Variants in CYP19A1 observed in about 807,000 individuals in gnomAD.
The protein encoded by CYP19A1 is aromatase.
CYP19A1 carries 32 observed loss-of-function variants against 44.4 expected under a neutral mutation model. The observed-to-expected ratio is 0.72, with a 90% CI of 0.54 to 0.97. The LOEUF (loss-of-function observed/expected upper bound fraction) is 0.97. CYP19A1 is among the 50% of genes least tolerant of loss of function. The pLI is 0.00. For synonymous variants in CYP19A1, 212 were observed against 215.6 expected (o/e 0.98, Z 0.14); for missense variants, 598 against 637.8 (o/e 0.94, Z 0.67).
intron 1 of CYP19A1, among the ~76,000 whole-genome samples, chr15:51,284,470 C>A (rs1368271061): frequency 6.6e-6 from 1 of 152,162 alleles, no homozygotes; most frequent in East Asian, 1.9e-4. Flanking sequence ...ACAATTCAGT[C>A]TATTATTACA....
intron 1 of CYP19A1, among the ~76,000 whole-genome samples, chr15:51,273,988 C>T (rs957685669): frequency 1.4e-5 from 2 of 141,654 alleles, no homozygotes; most frequent in Non-Finnish European, 3.0e-5. Flanking sequence ...GCCTGGGCCA[C>T]AGAGTGAAAT....
intron 1 of CYP19A1, chr15:51,321,182 A>G (rs2036521560): frequency 6.5e-6 from 1 of 153,010 alleles, no homozygotes; most frequent in Non-Finnish European, 1.5e-5. Flanking sequence ...ACTGCTGGCC[A>G]AGCCCCACAT....
chr15:51,244,292 A>G (rs948807242), intron 1 of CYP19A1, among the ~76,000 whole-genome samples: 15 of 152,254 alleles, frequency 9.9e-5, no homozygotes. Flanking sequence ...TCTGTCAACT[A>G]CAAAATTTTT....
chr15:51,248,603 CCT>C (rs2034168638), intron 1 of CYP19A1, among the ~76,000 whole-genome samples: 1 of 152,094 alleles, frequency 6.6e-6, no homozygotes, highest in African/African-American at 2.4e-5. Flanking sequence ...CAAATTCTTC[CCT>C]CTGTTTCCTC....
At chr15:51,264,007 T>C (rs1193923880) in intron 1 of CYP19A1, among the ~76,000 whole-genome samples, 5 of 152,028 alleles carry the variant, frequency 3.3e-5, no homozygotes, top group African/African-American at 1.2e-4. Flanking sequence ...AAGGATTTAG[T>C]GGTATTTTTA....
chr15:51,293,150 T>A (rs192287650), intron 1 of CYP19A1, among the ~76,000 whole-genome samples: 1 of 151,972 alleles, frequency 6.6e-6, no homozygotes, highest in Non-Finnish European at 1.5e-5. Context: ...ATAAAACACA[T>A]TGGGTACGGT....
At position 51,235,384 on chromosome 15, in the gene CYP19A1, A is replaced by G. The variant is rs550873642; in HGVS notation, c.296+1475T>C. Among the ~76,000 whole-genome samples, 26 of 152,292 alleles carry G rather than the reference A, an allele frequency of 1.7e-4. 1 individual carries two copies. The highest frequency in any genetic ancestry group is 6.0e-4 in the African/African-American group (25 of 41,556). ...GTGGGGCCCAAGAACGTGCATTGCT[A>G]ACAAGTTCCCAGGCTTGTTGATGCT... On this transcript the variant is annotated intron_variant, in intron 3 of 9. Transcript: ENST00000396402.
intron 1 of CYP19A1, among the ~76,000 whole-genome samples, chr15:51,285,070 TC>T (rs2035651898): frequency 6.6e-6 from 1 of 152,110 alleles, no homozygotes; most frequent in African/African-American, 2.4e-5. Flanking sequence ...TGGGGACAGA[TC>T]AAGAAAACCG....
At chr15:51,317,285 A>G (rs2036444512) in intron 1 of CYP19A1, among the ~76,000 whole-genome samples, 1 of 151,502 alleles carries the variant, frequency 6.6e-6, no homozygotes, top group African/African-American at 2.4e-5. Flanking sequence ...TTTTTTTTGT[A>G]TTTTTAGTAG....
intron 1 of CYP19A1, among the ~76,000 whole-genome samples, chr15:51,277,641 T>C (rs2140965150): frequency 6.6e-6 from 1 of 152,358 alleles, no homozygotes; most frequent in South Asian, 2.1e-4. Context: ...ATTTCCCTAA[T>C]AGTGCACACC....
Position 51,236,891 on chromosome 15 carries a change from C to G in CYP19A1, c.264G>C (p.Trp88Cys). 1 of 1,614,182 alleles carries G rather than the reference C, an allele frequency of 6.2e-7. No individual in the cohort carries two copies. The highest frequency in any genetic ancestry group is 1.1e-5 in the South Asian group (1 of 91,086). The change falls in exon 3 of 10, where the codon TGG (tryptophan) becomes TGC (cysteine). Residue 88 changes from tryptophan to cysteine, a missense_variant. Trp to Cys is a radical substitution (Grantham distance 215, BLOSUM62 -2). Transcript: ENST00000396402. ...TAATGAGTGTTTCCTCTCCAGAGAT[C>G]CAGACTCGCATGAATTCTCCATATA... ...NRVYGEFMRV[W>C]ISGEETLIIS...
chr15:51,280,950 C>T (rs2035497986), intron 1 of CYP19A1, among the ~76,000 whole-genome samples: 1 of 152,132 alleles, frequency 6.6e-6, no homozygotes, highest in African/African-American at 2.4e-5. Context: ...GTGAGAGATG[C>T]CAAGCTCCGG....
intron 1 of CYP19A1, among the ~76,000 whole-genome samples, chr15:51,271,850 C>A (rs752554786): frequency 6.6e-6 from 1 of 152,232 alleles, no homozygotes; most frequent in Non-Finnish European, 1.5e-5. Flanking sequence ...TCCTCTGGCA[C>A]TTTTTACATA....
chr15:51,280,315 G>A (rs1042002753), intron 1 of CYP19A1, among the ~76,000 whole-genome samples: 1 of 151,590 alleles, frequency 6.6e-6, no homozygotes, highest in Non-Finnish European at 1.5e-5. Flanking sequence ...AGCCAGGATG[G>A]TCTTGATCTC....
intron 1 of CYP19A1, among the ~76,000 whole-genome samples, chr15:51,303,816 C>CAATT (rs1351745211): frequency 6.6e-6 from 1 of 152,124 alleles, no homozygotes; most frequent in East Asian, 1.9e-4. Context: ...CCTTTGGCTG[C>CAATT]AATTGCACGT....
At chr15:51,215,400 T>G (rs1169941384) in intron 7 of CYP19A1, among the ~76,000 whole-genome samples, 168 bp from the exon 8 acceptor site, 1 of 152,250 alleles carries the variant, frequency 6.6e-6, no homozygotes, top group Admixed American at 6.5e-5. Context: ...AGCTGAAAGA[T>G]GAACGATTAG....
chr15:51,230,621 T>C (rs2032951354), intron 3 of CYP19A1, among the ~76,000 whole-genome samples: 1 of 149,056 alleles, frequency 6.7e-6, no homozygotes, highest in Admixed American at 6.7e-5. Context: ...TGCCTTCTTT[T>C]TTTTTTTTTT....
chr15:51,324,914 G>A (rs926384687), intron 1 of CYP19A1, among the ~76,000 whole-genome samples: 1 of 152,184 alleles, frequency 6.6e-6, no homozygotes, highest in Non-Finnish European at 1.5e-5. Flanking sequence ...ACAAATTAAA[G>A]TCAGAAGTAG....
intron 1 of CYP19A1, among the ~76,000 whole-genome samples, chr15:51,333,427 A>T (rs1335117802): frequency 6.6e-6 from 1 of 152,136 alleles, no homozygotes; most frequent in Non-Finnish European, 1.5e-5. Context: ...ATCTGCCAGG[A>T]TACTCACTGA....
Sources: gnomAD v4.1 joint callset for allele counts (sites outside exome capture counted in the v4.1 genomes callset) on GRCh38, gnomAD v4.1.1 for gene constraint, MANE v1.5 for transcripts, NCBI Gene and HGNC (gene_info 2026-07-23, HGNC 2026-07-21) for gene names.